SLCO1B1: variants seen among roughly 807,000 people sequenced by gnomAD.
SLCO1B1 encodes the protein OATP-2.
SLCO1B1 carries 81 observed loss-of-function variants against 70.1 expected under a neutral mutation model. That is an observed-to-expected ratio of 1.16 (90% CI 0.97 to 1.39). The LOEUF is 1.39. SLCO1B1 is among the 40% of genes most tolerant of loss of function. The pLI is 0.00. For missense variants in SLCO1B1, 895 were observed against 799.6 expected (o/e 1.12, Z -1.44); for synonymous variants, 283 against 271.5 (o/e 1.04, Z -0.42).
chr12:21,222,492 A>G, intron 13 of SLCO1B1, 128 bp downstream of exon 13: 1 of 231,272 alleles, frequency 4.3e-6, no homozygotes, highest in Non-Finnish European at 7.9e-6. Context: ...AAAGACTGTA[A>G]TGAATCTTTA....
intron 7 of SLCO1B1, 129 bp downstream of exon 7, chr12:21,179,149 A>G: frequency 1.5e-6 from 1 of 672,628 alleles, no homozygotes; most frequent in Non-Finnish European, 2.7e-6. Context: ...AGTTACAAGT[A>G]GGAAATAAAT....
At chr12:21,236,063 A>G (rs1468951194) in intron 14 of SLCO1B1, among the ~76,000 whole-genome samples, 8 of 152,072 alleles carry the variant, frequency 5.3e-5, no homozygotes, top group Non-Finnish European at 1.2e-4. Context: ...ATCTCATACT[A>G]TAGTATGTTT....
intron 7 of SLCO1B1, among the ~76,000 whole-genome samples, chr12:21,189,713 G>A (rs1194001108): frequency 6.6e-6 from 1 of 152,112 alleles, no homozygotes; most frequent in Non-Finnish European, 1.5e-5. Context: ...CTCCCAAAGT[G>A]CTGGGATTAC....
intron 1 of SLCO1B1, among the ~76,000 whole-genome samples, chr12:21,132,686 T>G (rs915198282): frequency 1.3e-5 from 2 of 152,120 alleles, no homozygotes; most frequent in African/African-American, 4.8e-5. Context: ...TGGGGTCGTT[T>G]GTCTTTTGTA....
chr12:21,189,418 C>G (rs1405122505), intron 7 of SLCO1B1, among the ~76,000 whole-genome samples: 1 of 151,716 alleles, frequency 6.6e-6, no homozygotes, highest in Non-Finnish European at 1.5e-5. Flanking sequence ...GGAGAAATTT[C>G]TATTCAGGTA....
chr12:21,141,968 C>A (rs144500481), intron 2 of SLCO1B1, among the ~76,000 whole-genome samples: 1 of 150,680 alleles, frequency 6.6e-6, no homozygotes, highest in Non-Finnish European at 1.5e-5. Flanking sequence ...ATAAAAAATG[C>A]ATAATGAATA....
At chr12:21,238,031 A>G (rs1035710603) in intron 14 of SLCO1B1, among the ~76,000 whole-genome samples, 3 of 152,108 alleles carry the variant, frequency 2.0e-5, no homozygotes, top group Admixed American at 6.6e-5. Flanking sequence ...TTTTTTAAAA[A>G]TGTTTCTTTT....
At chr12:21,204,200 T>A (rs1433707224) in intron 10 of SLCO1B1, among the ~76,000 whole-genome samples, 2 of 151,876 alleles carry the variant, frequency 1.3e-5, no homozygotes, top group African/African-American at 4.8e-5. Context: ...TCTCTAAGGA[T>A]CCCTGAGACT....
intron 14 of SLCO1B1, among the ~76,000 whole-genome samples, chr12:21,236,424 A>T (rs1365602427): frequency 6.6e-5 from 10 of 152,180 alleles, no homozygotes; most frequent in Admixed American, 6.5e-4. Context: ...GGCATACCAT[A>T]GATGCACCAA....
intron 1 of SLCO1B1, among the ~76,000 whole-genome samples, chr12:21,138,394 C>A (rs866387058): frequency 2.0e-5 from 3 of 152,078 alleles, no homozygotes; most frequent in African/African-American, 7.2e-5. Flanking sequence ...CCTCAAAATT[C>A]ATTTATGTAA....
chr12:21,138,952 C>T (rs1054568354), intron 1 of SLCO1B1, among the ~76,000 whole-genome samples: 1 of 151,890 alleles, frequency 6.6e-6, no homozygotes, highest in Non-Finnish European at 1.5e-5. Flanking sequence ...TATTTTGTGT[C>T]GTTAAAGGGA....
chr12:21,197,174 C>G lies in SLCO1B1; in HGVS notation c.956C>G (p.Thr319Ser), dbSNP rs1393766999. ...ANLTNQGKNI[T>S]KNVTGFFQSF... ...TTGACCAATCAAGGAAAAAATATTACCAAAAATGTGACTGGTAAGTATTTA... is the reference window on the plus strand; with the variant it reads ...TTGACCAATCAAGGAAAAAATATTAGCAAAAATGTGACTGGTAAGTATTTA... Residue 319 changes from threonine to serine, a missense_variant, in exon 8 of 15, where the codon ACC becomes AGC. Physicochemically the swap from Thr to Ser is moderately conservative, Grantham distance 58. Coordinates refer to ENST00000256958, the MANE Select transcript of SLCO1B1 (RefSeq NM_006446.5). 1 of 1,612,862 alleles carries G rather than the reference C, an allele frequency of 6.2e-7. No individual in the cohort carries two copies. Among genetic ancestry groups the G allele is most frequent in the South Asian group, 1.1e-5 (1 of 91,014 alleles).
At chr12:21,172,180 T>A (rs1940764208) in intron 2 of SLCO1B1, among the ~76,000 whole-genome samples, 1 of 152,194 alleles carries the variant, frequency 6.6e-6, no homozygotes. Context: ...ACACTGGATG[T>A]CAGTCACTTG....
chr12:21,193,392 G>C (rs1397257016), intron 7 of SLCO1B1, among the ~76,000 whole-genome samples: 2 of 152,120 alleles, frequency 1.3e-5, no homozygotes, highest in Non-Finnish European at 2.9e-5. Flanking sequence ...GGGAGTCCTA[G>C]AACCATTGTT....
intron 14 of SLCO1B1, among the ~76,000 whole-genome samples, chr12:21,228,304 A>G (rs1187208274): frequency 6.7e-6 from 1 of 149,272 alleles, no homozygotes; most frequent in Non-Finnish European, 1.5e-5. Flanking sequence ...TACTTAAAAG[A>G]AATGTACAAG....
At chr12:21,186,597 T>A (rs1251834131) in intron 7 of SLCO1B1, among the ~76,000 whole-genome samples, 2 of 151,982 alleles carry the variant, frequency 1.3e-5, no homozygotes, top group Admixed American at 6.6e-5. Context: ...TGATATATAA[T>A]GCAGATTGAG....
At chr12:21,191,554 AT>A (rs1941029876) in intron 7 of SLCO1B1, among the ~76,000 whole-genome samples, 1 of 152,000 alleles carries the variant, frequency 6.6e-6, no homozygotes, top group African/African-American at 2.4e-5. Context: ...AGGGTTTTCT[AT>A]ATACAAAATC....
At chr12:21,177,670 G>A (rs1218488939) in intron 5 of SLCO1B1, among the ~76,000 whole-genome samples, 1 of 151,972 alleles carries the variant, frequency 6.6e-6, no homozygotes, top group African/African-American at 2.4e-5. Context: ...CTGAAATTCT[G>A]CTATTATTGA....
chr12:21,229,577 T>C (rs530606244), intron 14 of SLCO1B1, among the ~76,000 whole-genome samples: 1 of 152,338 alleles, frequency 6.6e-6, no homozygotes, highest in South Asian at 2.1e-4. Context: ...TATTGCTGAA[T>C]AATATTCCAT....
Sources: allele counts gnomAD v4.1 joint callset (sites outside exome capture counted in the v4.1 genomes callset), GRCh38; gene constraint gnomAD v4.1.1; transcripts MANE v1.5; gene names NCBI Gene and HGNC (gene_info 2026-07-23, HGNC 2026-07-21).